CSMD1: variants seen among roughly 807,000 people sequenced by gnomAD.
CSMD1 encodes the protein CUB and Sushi multiple domains 1, also known as CUB and sushi domain-containing protein 1.
In CSMD1, 213 loss-of-function variants were observed where a neutral mutation model predicts 417.5. That is an observed-to-expected ratio of 0.51 (90% CI 0.46 to 0.57). The LOEUF is 0.57. CSMD1 is among the 20% of genes least tolerant of loss of function. The pLI, the probability that CSMD1 is intolerant of heterozygous loss-of-function variation, is 0.00. For missense variants in CSMD1, 6,923 were observed against 4,529.7 expected (o/e 1.53, Z -15.17); for synonymous variants, 2,862 against 1,736.8 (o/e 1.65, Z -16.11).
chr8:4,371,974 A>G (rs1027689773), intron 3 of CSMD1, among the ~76,000 whole-genome samples: 4 of 152,230 alleles, frequency 2.6e-5, no homozygotes, highest in Admixed American at 1.3e-4. Flanking sequence ...CATTGCCGTG[A>G]TGGAAATGTT....
intron 1 of CSMD1, among the ~76,000 whole-genome samples, chr8:4,947,479 CA>C (rs541832178): frequency 1.1e-4 from 17 of 152,032 alleles, no homozygotes; most frequent in Non-Finnish European, 2.2e-4. Flanking sequence ...AGATCATCAA[CA>C]ATGAGAAAAT....
At chr8:4,022,467 C>A (rs78276020) in intron 4 of CSMD1, among the ~76,000 whole-genome samples, 1 of 152,196 alleles carries the variant, frequency 6.6e-6, no homozygotes, top group East Asian at 1.9e-4. Flanking sequence ...ACATTTGCAG[C>A]CTTGCTCAGG....
In CSMD1 at chr8:3,157,940, T is replaced by C; in HGVS notation, c.5871A>G (p.Pro1957=). ...GATAGTTCCAACGGCGAACGGTCCC[T>C]GGCATACAGGAAATGTGGGAACGGC... ...LQGRSHISCM[P]GTVRRWNYPS... Residue 1957 remains proline (P), a synonymous_variant, in exon 39 of 70, where the codon CCA becomes CCG. Transcript: ENST00000635120. 4 of 1,554,654 alleles carry C rather than the reference T, an allele frequency of 2.6e-6. No homozygotes were observed. The highest frequency in any genetic ancestry group is 3.5e-6 in the Non-Finnish European group (4 of 1,148,634).
chr8:4,390,977 C>G (rs1201967704), intron 3 of CSMD1, among the ~76,000 whole-genome samples: 2 of 152,322 alleles, frequency 1.3e-5, no homozygotes, highest in South Asian at 2.1e-4. Flanking sequence ...GATTCTGTAA[C>G]TTTCTACCAT....
At chr8:4,573,464 A>G (rs1296822911) in intron 2 of CSMD1, among the ~76,000 whole-genome samples, 2 of 152,124 alleles carry the variant, frequency 1.3e-5, no homozygotes, top group Non-Finnish European at 2.9e-5. Flanking sequence ...GCAGAACAGC[A>G]AAGATTGCTG....
intron 37 of CSMD1, among the ~76,000 whole-genome samples, chr8:3,165,725 T>C (rs902598054): frequency 2.6e-5 from 4 of 151,990 alleles, no homozygotes; most frequent in Admixed American, 6.6e-5. Context: ...TTTTTGTTGG[T>C]AAAGGTGTGT....
At chr8:3,838,883 T>C (rs1333623429) in intron 5 of CSMD1, among the ~76,000 whole-genome samples, 2 of 101,194 alleles carry the variant, frequency 2.0e-5, no homozygotes, top group African/African-American at 9.2e-5. Flanking sequence ...ATAATATTAA[T>C]TATAATATAT....
chr8:4,200,917 A>G (rs928334400), intron 3 of CSMD1, among the ~76,000 whole-genome samples: 1 of 152,210 alleles, frequency 6.6e-6, no homozygotes, highest in African/African-American at 2.4e-5. Flanking sequence ...AGTTTAAAGT[A>G]TATGCATTCA....
At chr8:3,685,712 C>G (rs1390201495) in intron 7 of CSMD1, among the ~76,000 whole-genome samples, 2 of 141,604 alleles carry the variant, frequency 1.4e-5, no homozygotes, top group Admixed American at 7.7e-5. Flanking sequence ...GCCTTAAGAT[C>G]AGAAGGGTCA....
At chr8:4,840,125 T>A (rs1260656738) in intron 1 of CSMD1, among the ~76,000 whole-genome samples, 5 of 9,130 alleles carry the variant, frequency 5.5e-4, no homozygotes, top group Non-Finnish European at 5.3e-4. Flanking sequence ...ACGGAGGCAC[T>A]TGCCAGCTGT....
chr8:3,289,332 G>C (rs1803382010), intron 25 of CSMD1, among the ~76,000 whole-genome samples: 1 of 147,314 alleles, frequency 6.8e-6, no homozygotes. Flanking sequence ...AATCCTTTGG[G>C]TATATACCCA....
intron 26 of CSMD1, among the ~76,000 whole-genome samples, chr8:3,231,457 C>A (rs1269678766): frequency 1.3e-5 from 2 of 152,014 alleles, no homozygotes; most frequent in South Asian, 2.1e-4. Context: ...AATGAGTAGG[C>A]TTTGCGTTTT....
At chr8:3,465,106 G>A (rs959186675) in intron 12 of CSMD1, among the ~76,000 whole-genome samples, 1 of 152,122 alleles carries the variant, frequency 6.6e-6, no homozygotes, top group African/African-American at 2.4e-5. Context: ...AAGAGCGTTT[G>A]TTTCTGTGAA....
At chr8:3,074,516 A>G (rs1239754232) in intron 49 of CSMD1, among the ~76,000 whole-genome samples, 1 of 152,210 alleles carries the variant, frequency 6.6e-6, no homozygotes, top group Non-Finnish European at 1.5e-5. Flanking sequence ...CCTGTAGTGG[A>G]GCAGCCTATT....
chr8:3,054,126 G>A (rs1812057184), intron 49 of CSMD1, among the ~76,000 whole-genome samples: 2 of 152,146 alleles, frequency 1.3e-5, no homozygotes, highest in Non-Finnish European at 2.9e-5. Flanking sequence ...CAAAAGCACA[G>A]GTTATCTCCG....
At chr8:2,994,490 T>C (rs1299254977) in intron 54 of CSMD1, among the ~76,000 whole-genome samples, 1 of 152,148 alleles carries the variant, frequency 6.6e-6, no homozygotes, top group Non-Finnish European at 1.5e-5. Flanking sequence ...TGAGCACCAG[T>C]TCCCCACACG....
rs113966184 is a variant in CSMD1 at position 4,780,519 on chromosome 8, A to C, written c.86-142961T>G. Among the ~76,000 whole-genome samples, 249 of 152,148 alleles carry C rather than the reference A, an allele frequency of 1.6e-3. 1 individual carries two copies. Among genetic ancestry groups the C allele is most frequent in the African/African-American group, 5.8e-3 (239 of 41,492 alleles). ...TTTTATCTGAAGAAAAGAGAAACGA[A>C]CCTGCCTTGATGTTTTGTGCCCAAG... On this transcript the variant is annotated intron_variant, in intron 1 of 69. Transcript: ENST00000635120.
intron 2 of CSMD1, among the ~76,000 whole-genome samples, chr8:4,438,683 C>A (rs151206525): frequency 6.6e-6 from 1 of 152,224 alleles, no homozygotes; most frequent in Non-Finnish European, 1.5e-5. Flanking sequence ...GCCACTTATG[C>A]AAACTCTTGC....
chr8:3,679,505 C>T (rs925564014), intron 7 of CSMD1, among the ~76,000 whole-genome samples: 2 of 152,150 alleles, frequency 1.3e-5, no homozygotes, highest in African/African-American at 2.4e-5. Context: ...TATATATTCA[C>T]CCAATACAGG....
Sources: allele counts gnomAD v4.1 joint callset (sites outside exome capture counted in the v4.1 genomes callset), GRCh38; gene constraint gnomAD v4.1.1; transcripts MANE v1.5; gene names NCBI Gene and HGNC (gene_info 2026-07-23, HGNC 2026-07-21).